ERGIC2: variants seen among roughly 807,000 people sequenced by gnomAD.
ERGIC2 encodes ERGIC and golgi 2.
ERGIC2 carries 31 observed loss-of-function variants against 52.5 expected under a neutral mutation model. The ratio of observed to expected loss-of-function variants is 0.59; its 90% confidence interval spans 0.44 to 0.80. The LOEUF is 0.80. ERGIC2 is among the 30% of genes least tolerant of loss of function. The pLI, the probability that ERGIC2 is intolerant of heterozygous loss-of-function variation, is 0.00. For missense variants in ERGIC2, 395 were observed against 455.2 expected (o/e 0.87, Z 1.20); for synonymous variants, 129 against 140.6 (o/e 0.92, Z 0.58).
intron 12 of ERGIC2, 101 bp from the exon 13 acceptor site, chr12:29,341,917 T>C (rs1186329984): frequency 3.4e-6 from 2 of 588,484 alleles, no homozygotes; most frequent in African/African-American, 1.9e-5. Context: ...ACAAAGCAGT[T>C]TGCATTATTC....
chr12:29,351,428 T>C (rs1029162299), intron 8 of ERGIC2, among the ~76,000 whole-genome samples: 2 of 152,194 alleles, frequency 1.3e-5, no homozygotes, highest in Non-Finnish European at 2.9e-5. Context: ...TTCTTGCCTA[T>C]AGTTTTTGTT....
At chr12:29,368,537 T>A (rs1460730137) in intron 3 of ERGIC2, among the ~76,000 whole-genome samples, 1 of 151,864 alleles carries the variant, frequency 6.6e-6, no homozygotes, top group Non-Finnish European at 1.5e-5. Flanking sequence ...GGCAACTCTA[T>A]AATCAATAAC....
At chr12:29,363,657 A>G (rs1356868772) in intron 5 of ERGIC2, among the ~76,000 whole-genome samples, 1 of 152,080 alleles carries the variant, frequency 6.6e-6, no homozygotes, top group African/African-American at 2.4e-5. Context: ...TACTGTCCCA[A>G]CTGCTTAATT....
At chr12:29,371,429 T>C in intron 2 of ERGIC2, 99 bp downstream of exon 2, 1 of 740,628 alleles carries the variant, frequency 1.4e-6, no homozygotes. Context: ...CAGAATTCAT[T>C]GATAAATTCT....
At position 29,341,181 on chromosome 12, in the gene ERGIC2, G is replaced by A; in HGVS notation, c.1109C>T (p.Pro370Leu). 1 of 1,610,182 alleles carries A rather than the reference G, an allele frequency of 6.2e-7. No homozygotes were observed. Among genetic ancestry groups the A allele is most frequent in the African/African-American group, 1.3e-5 (1 of 74,832 alleles). Residue 370 changes from proline (P) to leucine (L), a missense_variant, in exon 14 of 14, where the codon CCT becomes CTT. Transcript: ENST00000360150. ...FEDGHTDNHLPLLENNTH is the reference protein window; with the variant it reads ...FEDGHTDNHLLLLENNTH ...TTAATGTGTATTATTTTCTAAAAGA[G>A]GTAAGTGGTTGTCTGTGTGGCCATC...
chr12:29,347,959 T>C (rs548522157), intron 10 of ERGIC2, among the ~76,000 whole-genome samples: 1 of 152,322 alleles, frequency 6.6e-6, no homozygotes, highest in Non-Finnish European at 1.5e-5. Context: ...CAAAAATTTG[T>C]AGTTCATTTT....
chr12:29,355,861 T>C (rs1388003375), intron 8 of ERGIC2, among the ~76,000 whole-genome samples: 1 of 152,206 alleles, frequency 6.6e-6, no homozygotes, highest in African/African-American at 2.4e-5. Context: ...AAACATGAGA[T>C]GACTGTTTTA....
chr12:29,365,044 G>A (rs939586937), intron 5 of ERGIC2, among the ~76,000 whole-genome samples: 3 of 151,926 alleles, frequency 2.0e-5, no homozygotes, highest in African/African-American at 7.2e-5. Context: ...ACTGTGGAAA[G>A]CAATTTGGAG....
chr12:29,361,602 G>T (rs776018845), intron 6 of ERGIC2, 43 bp downstream of exon 6: 28 of 1,472,152 alleles, frequency 1.9e-5, no homozygotes, highest in Non-Finnish European at 3.7e-6. Flanking sequence ...GACAAAATAT[G>T]ACTTAGATTT....
chr12:29,378,736 GAAGCC>G (rs939403793), intron 1 of ERGIC2, among the ~76,000 whole-genome samples: 5 of 152,000 alleles, frequency 3.3e-5, no homozygotes, highest in Non-Finnish European at 5.9e-5. Flanking sequence ...GGTTTACTTG[GAAGCC>G]AAGGAAGACA....
At chr12:29,356,323 TA>T in intron 8 of ERGIC2, 58 bp downstream of exon 8, 1 of 1,045,988 alleles carries the variant, frequency 9.6e-7, no homozygotes, top group Non-Finnish European at 1.5e-6. Context: ...GGCCAGAATT[TA>T]CTTTTAACCA....
At chr12:29,366,676 T>C (rs974694355) in intron 5 of ERGIC2, among the ~76,000 whole-genome samples, 1 of 151,898 alleles carries the variant, frequency 6.6e-6, no homozygotes, top group Admixed American at 6.6e-5. Context: ...AAAATGTTAA[T>C]AATGGTCACC....
In ERGIC2 at chr12:29,356,367, G is replaced by C. The variant is rs1325004473; in HGVS notation, c.572+15C>G. On this transcript the variant is annotated intron_variant, in intron 8 of 13. Transcript: ENST00000360150. ...ACTTTGTCTAAAGTATTTTCAGTAA[G>C]TGAAAAGAACATACTTGCCCACTGT... The C allele has an allele frequency of 7.1e-7, 1 of 1,411,936 alleles. No individual in the cohort carries two copies. The allele number at this position is 1,411,936 out of a possible 1,614,324, so 87.5% of individuals were successfully genotyped here. A position where few individuals can be genotyped will look rare whatever the true frequency, so the allele number is the denominator to read the frequency against.
At chr12:29,342,875 A>G (rs1335244257) in intron 12 of ERGIC2, among the ~76,000 whole-genome samples, 4 of 152,250 alleles carry the variant, frequency 2.6e-5, no homozygotes, top group Non-Finnish European at 5.9e-5. Context: ...TTCTACTTCA[A>G]TCTGATGTTA....
intron 10 of ERGIC2, among the ~76,000 whole-genome samples, chr12:29,346,081 T>C (rs910441220): frequency 6.6e-6 from 1 of 151,952 alleles, no homozygotes; most frequent in Non-Finnish European, 1.5e-5. Context: ...TCAGCAAGCA[T>C]AAGATGGGCA....
chr12:29,378,850 C>T (rs1370114710), intron 1 of ERGIC2, among the ~76,000 whole-genome samples: 3 of 152,122 alleles, frequency 2.0e-5, no homozygotes, highest in African/African-American at 7.2e-5. Context: ...AGAATCCTCT[C>T]TCCATAATTT....
intron 8 of ERGIC2, among the ~76,000 whole-genome samples, chr12:29,352,163 C>A (rs1404898856): frequency 6.6e-6 from 1 of 151,994 alleles, no homozygotes; most frequent in Non-Finnish European, 1.5e-5. Context: ...TCATAGTACA[C>A]CAAAGTACAA....
intron 9 of ERGIC2, 104 bp from the exon 10 acceptor site, chr12:29,349,281 T>C: frequency 2.1e-6 from 1 of 487,716 alleles, no homozygotes; most frequent in Non-Finnish European, 3.6e-6. Context: ...ATGAAAATGT[T>C]TAAAATCTTC....
intron 1 of ERGIC2, 138 bp downstream of exon 1, chr12:29,380,977 C>T (rs1940580729): frequency 6.6e-6 from 1 of 152,282 alleles, no homozygotes; most frequent in Non-Finnish European, 1.5e-5. Context: ...GCTTCTCCGT[C>T]CGACCGGCTC....
Sources: allele counts gnomAD v4.1 joint callset (sites outside exome capture counted in the v4.1 genomes callset), GRCh38; gene constraint gnomAD v4.1.1; transcripts MANE v1.5; gene names NCBI Gene and HGNC (gene_info 2026-07-23, HGNC 2026-07-21).